Variants in DMD observed in about 807,000 individuals in gnomAD.
DMD encodes the protein dystrophin.
In DMD, 63 loss-of-function variants were observed where a neutral mutation model predicts 330.1. The ratio of observed to expected loss-of-function variants is 0.19; its 90% confidence interval spans 0.16 to 0.24. The LOEUF is 0.24. Ranked by LOEUF, DMD falls within the 10% of genes least tolerant of loss-of-function variation. The probability of loss-of-function intolerance (pLI) is 1.00; values close to 1 mark genes in which losing one functional copy is unlikely to be tolerated. For missense variants in DMD, 3,344 were observed against 2,684.1 expected (o/e 1.25, Z -5.43); for synonymous variants, 1,223 against 959.8 (o/e 1.27, Z -5.07).
chrX:32,944,790 G>GAGGCTGGGTTTCACGATGTTGGTT (rs1340020023), intron 2 of DMD, among the ~76,000 whole-genome samples: 2 of 109,611 alleles, frequency 1.8e-5, no homozygotes, highest in African/African-American at 6.7e-5. Flanking sequence ...TTTTTAAGTA[G>GAGGCTGGGTTTCACGATGTTGGTT]AGGCTGGGTT....
chrX:33,186,036 C>T (rs1013165234), intron 1 of DMD, among the ~76,000 whole-genome samples: 4 of 111,217 alleles, frequency 3.6e-5, no homozygotes, highest in South Asian at 3.8e-4. Context: ...TTTTTGGGGG[C>T]GTGGGGCCAA....
At chrX:32,359,271 C>G (rs1304227246) in intron 37 of DMD, among the ~76,000 whole-genome samples, 2 of 111,792 alleles carry the variant, frequency 1.8e-5, no homozygotes, top group Non-Finnish European at 3.8e-5. Flanking sequence ...GAGTACCCCA[C>G]TTTGTATTCT....
intron 1 of DMD, among the ~76,000 whole-genome samples, chrX:33,134,191 T>C (rs1569556081): frequency 9.0e-6 from 1 of 111,712 alleles, no homozygotes; most frequent in East Asian, 2.8e-4. Context: ...CAAACAGAGC[T>C]CAGAACTCCC....
At chrX:33,287,084 T>G (rs769723162) in intron 1 of DMD, among the ~76,000 whole-genome samples, 1 of 111,720 alleles carries the variant, frequency 9.0e-6, no homozygotes, top group Non-Finnish European at 1.9e-5. Context: ...TCTGTTGTGT[T>G]AAGGCACTGA....
At chrX:32,407,830 G>A (rs2098124587) in intron 30 of DMD, among the ~76,000 whole-genome samples, 1 of 108,451 alleles carries the variant, frequency 9.2e-6, no homozygotes, top group Admixed American at 1.0e-4. Context: ...GTAGGGACAT[G>A]GATGAAGCTG....
chrX:32,443,255 C>A (rs766072815), intron 27 of DMD, among the ~76,000 whole-genome samples: 8 of 111,169 alleles, frequency 7.2e-5, no homozygotes, highest in East Asian at 2.8e-4. Flanking sequence ...ATGTTCATAG[C>A]CCTTAGAATG....
intron 47 of DMD, among the ~76,000 whole-genome samples, chrX:31,906,254 T>C (rs1487852097): frequency 1.8e-5 from 2 of 112,066 alleles, no homozygotes; most frequent in African/African-American, 6.5e-5. Flanking sequence ...TCCCCAGCCA[T>C]GCTGAACTGT....
At chrX:33,099,001 T>C (rs746753022) in intron 1 of DMD, among the ~76,000 whole-genome samples, 13 of 112,343 alleles carry the variant, frequency 1.2e-4, no homozygotes, top group Admixed American at 3.8e-4. Context: ...TATGACCTAA[T>C]GCGTGCTTGG....
At chrX:31,656,703 G>A (rs886538596) in intron 54 of DMD, among the ~76,000 whole-genome samples, 2 of 111,813 alleles carry the variant, frequency 1.8e-5, no homozygotes, top group African/African-American at 6.5e-5. Context: ...ATTTTGAGAA[G>A]AAAGTCCAAG....
chrX:31,458,941 C>A (rs769973778), intron 59 of DMD, among the ~76,000 whole-genome samples: 1 of 111,348 alleles, frequency 9.0e-6, no homozygotes, highest in African/African-American at 3.3e-5. Context: ...CATAAGCCAA[C>A]GGAGTAATTT....
intron 7 of DMD, among the ~76,000 whole-genome samples, chrX:32,793,712 T>C (rs1297978189): frequency 3.6e-5 from 4 of 111,572 alleles, no homozygotes; most frequent in Non-Finnish European, 7.5e-5. Context: ...CAAGAAGAAA[T>C]AGAAAATCTG....
At chrX:31,545,723 C>G (rs1476663557) in intron 55 of DMD, among the ~76,000 whole-genome samples, 1 of 111,274 alleles carries the variant, frequency 9.0e-6, no homozygotes, top group African/African-American at 3.3e-5. Context: ...AAAGATCAGC[C>G]CTTACAGCTC....
At chrX:31,843,306 T>G (rs1016417805) in intron 48 of DMD, among the ~76,000 whole-genome samples, 13 of 112,024 alleles carry the variant, frequency 1.2e-4, no homozygotes, top group South Asian at 3.8e-4. Flanking sequence ...CTTTCCACAG[T>G]GGGTGAACTA....
At chrX:32,649,252 C>G (rs2059974088) in intron 9 of DMD, among the ~76,000 whole-genome samples, 1 of 109,870 alleles carries the variant, frequency 9.1e-6, no homozygotes, top group Non-Finnish European at 1.9e-5. Context: ...GAAGACATCG[C>G]TCATTAAAAA....
intron 61 of DMD, among the ~76,000 whole-genome samples, chrX:31,341,945 T>A (rs901402321): frequency 9.4e-6 from 1 of 106,370 alleles, no homozygotes; most frequent in Non-Finnish European, 1.9e-5. Flanking sequence ...ATCTAACAAA[T>A]TAACCACCGC....
chrX:31,566,859 T>C (rs149463918), intron 55 of DMD, among the ~76,000 whole-genome samples: 102 of 112,069 alleles, frequency 9.1e-4, no homozygotes, highest in African/African-American at 3.2e-3. Flanking sequence ...GATAAGCAAT[T>C]ATAAATGGTG....
Position 32,573,804 on chromosome X carries a change from C to T in DMD, c.1645G>A (p.Asp549Asn), listed in dbSNP as rs745505765. The change falls in exon 14 of 79, where the codon GAC becomes AAC. Residue 549 changes from aspartate (D) to asparagine (N), a missense_variant. Asp to Asn is a conservative substitution (Grantham distance 23, BLOSUM62 1). Coordinates refer to ENST00000357033, the MANE Select transcript of DMD (RefSeq NM_004006.3). ...RWANICRWTE[D>N]RWVLLQDILL... ...ATGTCTTGTAAAAGAACCCAGCGGTCTTCTGTCCATCTACAGATGTTTGCC... is the reference window on the plus strand; with the variant it reads ...ATGTCTTGTAAAAGAACCCAGCGGTTTTCTGTCCATCTACAGATGTTTGCC... 1.7e-6 allele frequency: 2 copies of T among 1,209,958 alleles called. No homozygotes were observed.
chrX:33,228,735 C>T (rs2148879919), intron 1 of DMD, among the ~76,000 whole-genome samples: 2 of 106,264 alleles, frequency 1.9e-5, no homozygotes, highest in South Asian at 8.2e-4. Context: ...GAGACAGGGT[C>T]TCACTCTGTT....
intron 30 of DMD, among the ~76,000 whole-genome samples, chrX:32,401,344 A>G (rs1226680188): frequency 1.8e-5 from 2 of 110,606 alleles, no homozygotes; most frequent in Non-Finnish European, 3.8e-5. Flanking sequence ...TAAAAAAAAG[A>G]AAATATGGTA....
Sources: allele counts gnomAD v4.1 joint callset (sites outside exome capture counted in the v4.1 genomes callset), GRCh38; gene constraint gnomAD v4.1.1; transcripts MANE v1.5; gene names NCBI Gene and HGNC (gene_info 2026-07-23, HGNC 2026-07-21).